The following RNF185 variants were observed in gnomAD, a reference collection of about 807,000 sequenced individuals.
The protein encoded by RNF185 is ring finger protein 185.
A neutral mutation model predicts 24.9 loss-of-function variants in RNF185; 13 were observed. The observed-to-expected ratio is 0.52, with a 90% confidence interval of 0.34 to 0.83. The LOEUF (loss-of-function observed/expected upper bound fraction) is 0.83. Ranked by LOEUF, RNF185 falls within the 40% of genes least tolerant of loss-of-function variation. RNF185 has a pLI of 0.01. For synonymous variants in RNF185, 79 were observed against 90.3 expected (o/e 0.88, Z 0.71); for missense variants, 184 against 244.7 (o/e 0.75, Z 1.65).
intron 2 of RNF185, among the ~76,000 whole-genome samples, chr22:31,191,827 C>CAA (rs71784545): frequency 0.14 from 8,771 of 64,134 alleles, 571 homozygotes; most frequent in East Asian, 0.38. Flanking sequence ...AACTTCGTCT[C>CAA]AAAAAAAAAA....
In RNF185 at chr22:31,204,774, G is replaced by C. The variant is rs903037385; in HGVS notation, c.*188G>C. Reference sequence around the variant, plus strand: ...CAGTTGGCGATGACCCCTGAATATCGCCACCGCTGTAAACACTCTATAACT... The same window carrying C: ...CAGTTGGCGATGACCCCTGAATATCCCCACCGCTGTAAACACTCTATAACT... On this transcript the variant is annotated 3_prime_UTR_variant, in exon 7 of 7. Coordinates refer to ENST00000326132, the MANE Select transcript of RNF185 (RefSeq NM_152267.4). The C allele has an allele frequency of 1.0e-5, 6 of 575,430 alleles. No individual in the cohort carries two copies. Among genetic ancestry groups the C allele is most frequent in the Admixed American group, 2.8e-5 (1 of 35,162 alleles). The allele number at this position is 575,430 out of a possible 1,614,324, so 35.6% of individuals were successfully genotyped here.
chr22:31,185,108 A>T (rs2048086178), intron 1 of RNF185, among the ~76,000 whole-genome samples: 2 of 152,008 alleles, frequency 1.3e-5, no homozygotes, highest in South Asian at 4.1e-4. Context: ...TGAAGAGAGC[A>T]CATGTAATAT....
intron 1 of RNF185, among the ~76,000 whole-genome samples, chr22:31,179,275 G>A (rs2048012009): frequency 3.9e-5 from 6 of 152,158 alleles, no homozygotes; most frequent in Admixed American, 3.9e-4. Context: ...GAACCTCTAT[G>A]TTTTGGGCCA....
At chr22:31,196,882 G>A (rs761234684) in intron 4 of RNF185, 54 bp from the exon 5 acceptor site, 2 of 1,601,436 alleles carry the variant, frequency 1.2e-6, no homozygotes, top group Middle Eastern at 3.3e-4. Flanking sequence ...GTCCTCACAG[G>A]GAGCAACTCA....
At chr22:31,170,931 G>T (rs1428247328) in intron 1 of RNF185, among the ~76,000 whole-genome samples, 2 of 152,048 alleles carry the variant, frequency 1.3e-5, no homozygotes, top group Non-Finnish European at 2.9e-5. Context: ...TGAGTAGCTG[G>T]CATGTTCCAC....
intron 1 of RNF185, among the ~76,000 whole-genome samples, chr22:31,167,574 G>A (rs1027803945): frequency 6.3e-5 from 9 of 142,220 alleles, no homozygotes; most frequent in South Asian, 2.2e-4. Flanking sequence ...ATCACACAAT[G>A]TATGACCTTT....
At chr22:31,170,432 A>G (rs1335892871) in intron 1 of RNF185, among the ~76,000 whole-genome samples, 5 of 151,630 alleles carry the variant, frequency 3.3e-5, no homozygotes, top group Non-Finnish European at 4.4e-5. Context: ...CTTGTGATCC[A>G]CCCGCCTTGG....
intron 1 of RNF185, among the ~76,000 whole-genome samples, chr22:31,181,733 T>G (rs1352102189): frequency 6.6e-6 from 1 of 151,944 alleles, no homozygotes; most frequent in East Asian, 1.9e-4. Flanking sequence ...AAACCATCAT[T>G]CTCAGCAAAC....
At chr22:31,181,782 C>T (rs1425301621) in intron 1 of RNF185, among the ~76,000 whole-genome samples, 1 of 149,954 alleles carries the variant, frequency 6.7e-6, no homozygotes, top group Non-Finnish European at 1.5e-5. Context: ...CATGTTCTCA[C>T]TCATAGGTGG....
At chr22:31,192,270 G>T (rs1478496766) in intron 2 of RNF185, among the ~76,000 whole-genome samples, 1 of 152,170 alleles carries the variant, frequency 6.6e-6, no homozygotes, top group African/African-American at 2.4e-5. Context: ...ATAGTGTGTA[G>T]TACATGTGTA....
At chr22:31,202,697 C>T (rs534136718) in intron 6 of RNF185, among the ~76,000 whole-genome samples, 115 of 147,650 alleles carry the variant, frequency 7.8e-4, no homozygotes, top group Non-Finnish European at 1.4e-3. Flanking sequence ...ACTGCAAGTT[C>T]CACCTCCCAG....
chr22:31,163,656 T>TTTTTTTTATTTA (rs1555880082), intron 1 of RNF185, among the ~76,000 whole-genome samples: 7 of 141,036 alleles, frequency 5.0e-5, no homozygotes, highest in Admixed American at 7.2e-5. Flanking sequence ...TTTTATTTTA[T>TTTTTTTTATTTA]TTTATTTATT....
chr22:31,199,723 A>G (rs1431830170), intron 5 of RNF185, among the ~76,000 whole-genome samples: 2 of 152,246 alleles, frequency 1.3e-5, no homozygotes, highest in Admixed American at 6.5e-5. Flanking sequence ...AGATTCAACC[A>G]TGAACTGAGT....
At position 31,160,613 on chromosome 22, in the gene RNF185, A is replaced by G. The variant is rs1036503557; in HGVS notation, c.-49+310A>G. Reference sequence around the variant, plus strand: ...GACCGCCTCTATCATCTGGGAGTGCATTTCACGAGTTTGCCCTGAGTGGAG... The same window carrying G: ...GACCGCCTCTATCATCTGGGAGTGCGTTTCACGAGTTTGCCCTGAGTGGAG... On this transcript the variant is annotated intron_variant, in intron 1 of 6. Coordinates refer to ENST00000326132, the MANE Select transcript of RNF185 (RefSeq NM_152267.4). Among the ~76,000 whole-genome samples the G allele has an allele frequency of 2.0e-5, 3 of 152,214 alleles. No homozygotes were observed. In the East Asian group the frequency reaches 5.8e-4, roughly 29 times the overall value.
chr22:31,176,634 G>T (rs1240403145), intron 1 of RNF185, among the ~76,000 whole-genome samples: 19 of 151,870 alleles, frequency 1.3e-4, no homozygotes. Context: ...GACTACAGGT[G>T]CCCGCCACCA....
intron 3 of RNF185, among the ~76,000 whole-genome samples, chr22:31,194,669 A>T (rs906294326): frequency 2.0e-5 from 3 of 152,084 alleles, no homozygotes; most frequent in African/African-American, 7.2e-5. Flanking sequence ...CAGGGGTTGC[A>T]GTGACCTGAG....
At chr22:31,189,278 A>G (rs73392205) in intron 2 of RNF185, among the ~76,000 whole-genome samples, 4,407 of 81,200 alleles carry the variant, frequency 0.054, 701 homozygotes, top group African/African-American at 0.25. Context: ...GCTGTTGTAT[A>G]TCTTTTTTTT....
intron 6 of RNF185, among the ~76,000 whole-genome samples, chr22:31,203,928 C>T (rs1360582983): frequency 4.6e-5 from 7 of 151,668 alleles, no homozygotes; most frequent in Admixed American, 4.6e-4. Flanking sequence ...GTAATCCCAG[C>T]TACTCAGGAG....
chr22:31,201,902 A>T (rs1451684028), intron 6 of RNF185, among the ~76,000 whole-genome samples: 1 of 152,230 alleles, frequency 6.6e-6, no homozygotes, highest in African/African-American at 2.4e-5. Context: ...TTAACAGATC[A>T]GAAAATGCTC....
Sources: gnomAD v4.1 joint callset for allele counts (sites outside exome capture counted in the v4.1 genomes callset) on GRCh38, gnomAD v4.1.1 for gene constraint, MANE v1.5 for transcripts, NCBI Gene and HGNC (gene_info 2026-07-23, HGNC 2026-07-21) for gene names.